GBP1: variants seen among roughly 807,000 people sequenced by gnomAD.
The protein encoded by GBP1 is guanylate-binding protein 1.
A neutral mutation model predicts 69.5 loss-of-function variants in GBP1; 64 were observed. The observed-to-expected ratio is 0.92, with a 90% CI of 0.75 to 1.13. The LOEUF is 1.13. GBP1 is among the 50% of genes most tolerant of loss of function. GBP1 has a pLI of 0.00. For synonymous variants in GBP1, 250 were observed against 261.2 expected (o/e 0.96, Z 0.41); for missense variants, 630 against 704.1 (o/e 0.89, Z 1.19).
intron 1 of GBP1, among the ~76,000 whole-genome samples, chr1:89,063,474 G>A (rs1008508331): frequency 1.3e-5 from 2 of 152,126 alleles, no homozygotes; most frequent in Admixed American, 1.3e-4. Context: ...CTACTCTCAC[G>A]ACCCAAATAT....
chr1:89,061,046 A>G (rs1203322472), intron 2 of GBP1, among the ~76,000 whole-genome samples: 2 of 152,228 alleles, frequency 1.3e-5, no homozygotes, highest in Non-Finnish European at 2.9e-5. Flanking sequence ...AGATGACATA[A>G]GTTATTAGAA....
rs903909474 is a variant in GBP1, at chr1:89,063,186, T to C, written c.49A>G (p.Thr17Ala). The C allele has an allele frequency of 6.2e-7, 1 of 1,613,986 alleles. No individual in the cohort carries two copies. Among genetic ancestry groups the C allele is most frequent in the African/African-American group, 1.3e-5 (1 of 74,916 alleles). Residue 17 changes from threonine to alanine, a missense_variant, in exon 2 of 11, where the codon ACT (threonine) becomes GCT (alanine). By Grantham distance (58) the Thr-to-Ala change is moderately conservative. Coordinates refer to ENST00000370473, the MANE Select transcript of GBP1 (RefSeq NM_002053.3). ...GGATTCGCCATCAGTCGCCCATTAGTGTTCTCAATGAGGCACATTGGGCCT... is the reference window on the plus strand; with the variant it reads ...GGATTCGCCATCAGTCGCCCATTAGCGTTCTCAATGAGGCACATTGGGCCT... The part of the protein sequence containing the change: ...MTGPMCLIEN[T>A]NGRLMANPEA...
At position 89,060,185 on chromosome 1, in the gene GBP1, C is replaced by T; in HGVS notation, c.318+12G>A. 1 of 1,585,578 alleles carries T rather than the reference C, an allele frequency of 6.3e-7. No individual in the cohort carries two copies. Among genetic ancestry groups the T allele is most frequent in the Non-Finnish European group, 8.6e-7 (1 of 1,169,300 alleles). ...GAGGGGCTTACTCCACAACTGGATCCTTGAGTCTCACCTTCTCTACATCTC... is the reference window on the plus strand; with the variant it reads ...GAGGGGCTTACTCCACAACTGGATCTTTGAGTCTCACCTTCTCTACATCTC... On this transcript the variant is annotated intron_variant, in intron 3 of 10. Transcript: ENST00000370473.
chr1:89,062,227 G>A (rs1276633951), intron 2 of GBP1, among the ~76,000 whole-genome samples: 1 of 152,196 alleles, frequency 6.6e-6, no homozygotes, highest in Non-Finnish European at 1.5e-5. Context: ...GTTCCTATTA[G>A]CATTATTTAT....
intron 1 of GBP1, 23 bp from the exon 2 acceptor site, chr1:89,063,276 C>A (rs2101235927): frequency 6.3e-7 from 1 of 1,592,236 alleles, no homozygotes; most frequent in African/African-American, 1.3e-5. Context: ...AGGTGAAATA[C>A]ATGAGAATTT....
intron 10 of GBP1, among the ~76,000 whole-genome samples, chr1:89,054,457 A>G (rs1679991950): frequency 6.6e-6 from 1 of 152,218 alleles, no homozygotes; most frequent in Admixed American, 6.5e-5. Flanking sequence ...AATGAAGGAT[A>G]TATTGATAAA....
Position 89,052,675 on chromosome 1 carries a change from T to C in GBP1, c.*680A>G, listed in dbSNP as rs3188733. 1 of 152,242 alleles carries C rather than the reference T, an allele frequency of 6.6e-6. No homozygotes were observed. The highest frequency in any genetic ancestry group is 6.5e-5 in the Admixed American group (1 of 15,278). 9.4% of individuals were successfully genotyped at this position (152,242 alleles called of 1,614,324 possible). A position where few individuals can be genotyped will look rare whatever the true frequency, so the allele number is the denominator to read the frequency against. On this transcript the variant is annotated 3_prime_UTR_variant, in exon 11 of 11. Coordinates refer to ENST00000370473, the MANE Select transcript of GBP1 (RefSeq NM_002053.3). ...GTGAATTTGTTTAATCCAGTGTCAA[T>C]TGTCTAATGGTCTAAAGTGTCCCAT...
intron 2 of GBP1, 58 bp downstream of exon 2, chr1:89,062,987 A>G: frequency 6.3e-7 from 1 of 1,591,170 alleles, no homozygotes; most frequent in Non-Finnish European, 8.6e-7. Context: ...TTCATAATGG[A>G]GGCTGACTGT....
chr1:89,063,316 A>C (rs1680251491), intron 1 of GBP1, 63 bp from the exon 2 acceptor site: 5 of 1,480,724 alleles, frequency 3.4e-6, no homozygotes, highest in South Asian at 1.3e-5. Flanking sequence ...AGGGAGAATC[A>C]TAAGATTCCC....
chr1:89,054,980 C>T (rs1422759909), intron 9 of GBP1, 105 bp from the exon 10 acceptor site: 2 of 1,427,194 alleles, frequency 1.4e-6, no homozygotes, highest in African/African-American at 2.9e-5. Context: ...ATGCCCTACT[C>T]AGAGATGACC....
chr1:89,059,385 G>A lies in GBP1; in HGVS notation c.360C>T (p.Val120=), dbSNP rs1269084039. The change falls in exon 4 of 11, where the codon GTC becomes GTT. Residue 120 remains valine (V), a synonymous_variant. Coordinates refer to ENST00000370473, the MANE Select transcript of GBP1 (RefSeq NM_002053.3). The part of the protein sequence containing the change: ...QNDSWIFALA[V]LLSSTFVYNS... ...TGTACACGAAGGTGCTGCTCAGGAG[G>A]ACGGCCAGGGCGAAGATCCAGGAGT... The A allele has an allele frequency of 2.5e-6, 4 of 1,614,142 alleles. No homozygotes were observed. Among genetic ancestry groups the A allele is most frequent in the Non-Finnish European group, 2.5e-6 (3 of 1,180,018 alleles).
intron 2 of GBP1, among the ~76,000 whole-genome samples, chr1:89,062,235 T>C (rs1680218952): frequency 6.6e-6 from 1 of 152,224 alleles, no homozygotes; most frequent in Admixed American, 6.5e-5. Flanking sequence ...TAGCATTATT[T>C]ATAATAGACA....
At chr1:89,062,970 T>A in intron 2 of GBP1, 75 bp downstream of exon 2, 1 of 1,564,386 alleles carries the variant, frequency 6.4e-7, no homozygotes, top group Non-Finnish European at 8.8e-7. Context: ...CTTTCTCTCC[T>A]CACATCTTCA....
rs1435551226 is a variant in GBP1, at chr1:89,058,025, T to C, written c.841A>G (p.Thr281Ala). The change falls in exon 6 of 11, where the codon ACT (threonine) becomes GCT (alanine). Residue 281 changes from threonine to alanine, a missense_variant. Coordinates refer to ENST00000370473, the MANE Select transcript of GBP1 (RefSeq NM_002053.3). ...TTGACCTGGATGCCTCCTGAAAGAG[T>C]TTTAGTTTTGGAATTACTAAAGATG... ...SYIFSNSKTK[T>A]LSGGIQVNGP... 2 of 1,613,440 alleles carry C rather than the reference T, an allele frequency of 1.2e-6. No homozygotes were observed. Among genetic ancestry groups the C allele is most frequent in the African/African-American group, 2.7e-5 (2 of 74,872 alleles).
rs1043924679 is a variant in GBP1, at chr1:89,056,089, C to T, written c.1295G>A (p.Gly432Asp). The change falls in exon 8 of 11, where the codon GGC (glycine) becomes GAC (aspartate). Residue 432 changes from glycine (G) to aspartate (D), a missense_variant. By Grantham distance (94) the Gly-to-Asp change is moderately conservative (BLOSUM62 -1). Transcript: ENST00000370473. ...VKAGIYSKPG[G>D]YRLFVQKLQD... ...TAGCTTCTGAACAAAGAGACGATAG[C>T]CCCCTGGTTTCGAATAAATTCCCGC... 10 of 1,613,360 alleles carry T rather than the reference C, an allele frequency of 6.2e-6. No individual in the cohort carries two copies. The Admixed American group carries it at 1.0e-4, about 16-fold the overall frequency.
At chr1:89,059,184 C>T (rs1680118893) in intron 4 of GBP1, 133 bp downstream of exon 4, 2 of 1,590,244 alleles carry the variant, frequency 1.3e-6, no homozygotes, top group Admixed American at 3.6e-5. Flanking sequence ...CATGGGATCT[C>T]TCCTCTGTAC....
Position 89,056,113 on chromosome 1 carries a change from G to T in GBP1, c.1271C>A (p.Ala424Glu), listed in dbSNP as rs758828184. Residue 424 changes from alanine to glutamate, a missense_variant, in exon 8 of 11, where the codon GCG becomes GAG. Ala to Glu is a moderately radical substitution (Grantham distance 107). This residue lies in a region of GBP1 where 367 missense variants were observed against 369.5 expected (regional missense o/e 0.99). Transcript: ENST00000370473. Reference sequence around the variant, plus strand: ...GCCCCCTGGTTTCGAATAAATTCCCGCCTTCACTTCTTCTTCTAGAGGACT... The same window carrying T: ...GCCCCCTGGTTTCGAATAAATTCCCTCCTTCACTTCTTCTTCTAGAGGACT... Reference protein sequence around the residue: ...IFSPLEEEVKAGIYSKPGGYR... With the variant: ...IFSPLEEEVKEGIYSKPGGYR... The T allele has an allele frequency of 4.3e-6, 7 of 1,613,858 alleles. No homozygotes were observed. Among genetic ancestry groups the T allele is most frequent in the Non-Finnish European group, 5.9e-6 (7 of 1,179,840 alleles).
In GBP1 at chr1:89,058,002, G is replaced by A; in HGVS notation, c.864C>T (p.Val288=). ...KTKTLSGGIQ[V]NGPRLESLVL... The stretch of plus-strand genomic sequence containing the variant: ...AGGAAGGGGACTTACGAGGCCCGTT[G>A]ACCTGGATGCCTCCTGAAAGAGTTT... Residue 288 remains valine (V), a synonymous_variant, in exon 6 of 11, where the codon GTC becomes GTT. Transcript: ENST00000370473. 1 of 1,612,102 alleles carries A rather than the reference G, an allele frequency of 6.2e-7. No individual in the cohort carries two copies. The highest frequency in any genetic ancestry group is 8.5e-7 in the Non-Finnish European group (1 of 1,179,184).
Position 89,054,741 on chromosome 1 carries a change from C to G in GBP1, c.1606G>C (p.Glu536Gln). The G allele has an allele frequency of 1.9e-6, 3 of 1,614,214 alleles. No homozygotes were observed. Among genetic ancestry groups the G allele is most frequent in the Non-Finnish European group, 2.5e-6 (3 of 1,180,028 alleles). ...TTCAGCAACTGGACCCTGTCGTTCT[C>G]CATCTTCTCAGTCAGTTGTTTCAAG... ...EHLKQLTEKM[E>Q]NDRVQLLKEQ... The change falls in exon 10 of 11, where the codon GAG becomes CAG. Residue 536 changes from glutamate (E) to glutamine (Q), a missense_variant. Transcript: ENST00000370473.
Sources: gnomAD v4.1 joint callset for allele counts (sites outside exome capture counted in the v4.1 genomes callset) on GRCh38, gnomAD v4.1.1 for gene constraint, gnomAD v4.1.1 regional missense constraint, MANE v1.5 for transcripts, NCBI Gene and HGNC (gene_info 2026-07-23, HGNC 2026-07-21) for gene names.